The following PIK3C2A variants were observed in gnomAD, a reference collection of about 807,000 sequenced individuals.
PIK3C2A encodes the protein phosphatidylinositol-4-phosphate 3-kinase catalytic subunit type 2 alpha.
Under a neutral mutation model 204.5 loss-of-function variants are expected in PIK3C2A, and 97 were observed. The ratio of observed to expected loss-of-function variants is 0.47; its 90% CI spans 0.40 to 0.56. The LOEUF is 0.56. Among genes scored for constraint, PIK3C2A ranks in the 20% least tolerant of loss-of-function variants. The pLI is 0.00. For missense variants in PIK3C2A, 1,735 were observed against 1,969.2 expected (o/e 0.88, Z 2.25); for synonymous variants, 653 against 664.4 (o/e 0.98, Z 0.26).
Position 17,101,850 on chromosome 11 carries a change from G to A in PIK3C2A, c.3852-416C>T, listed in dbSNP as rs545307052. On this transcript the variant is annotated intron_variant, in intron 24 of 32. Coordinates refer to ENST00000691414, the MANE Select transcript of PIK3C2A (RefSeq NM_002645.4). Reference sequence around the variant, plus strand: ...GATCTCCTGACCTTGTGATCCGCCCGCCTTGGCCTCCCAAAGTGCTGGGAT... The same window carrying A: ...GATCTCCTGACCTTGTGATCCGCCCACCTTGGCCTCCCAAAGTGCTGGGAT... 4.6e-3 allele frequency among the ~76,000 whole-genome samples: 700 copies of A among 151,810 alleles called. 4 individuals carry two copies. The highest frequency in any genetic ancestry group is 0.015 in the African/African-American group (606 of 41,480).
chr11:17,091,689 T>A (rs1021942296), intron 30 of PIK3C2A, 33 bp from the exon 31 acceptor site: 2 of 1,320,352 alleles, frequency 1.5e-6, no homozygotes, highest in African/African-American at 2.9e-5. Flanking sequence ...CTTTATTTAC[T>A]GGTTGTAGTG....
Position 17,160,514 on chromosome 11 carries a change from G to C in PIK3C2A, c.1066-4885C>G, listed in dbSNP as rs368299877. Among the ~76,000 whole-genome samples, 50 of 152,296 alleles carry C rather than the reference G, an allele frequency of 3.3e-4. 1 individual carries two copies. In the South Asian group the frequency reaches 0.01, roughly 31 times the overall value. On this transcript the variant is annotated intron_variant, in intron 2 of 32. Coordinates refer to ENST00000691414, the MANE Select transcript of PIK3C2A (RefSeq NM_002645.4). ...GAGCAAGAGACTGGAAAGGCAGTGAGTACAAATTCCTTTTTAAAGAGTAAT... is the reference window on the plus strand; with the variant it reads ...GAGCAAGAGACTGGAAAGGCAGTGACTACAAATTCCTTTTTAAAGAGTAAT...
chr11:17,104,830 A>G (rs1379250947), intron 23 of PIK3C2A, among the ~76,000 whole-genome samples: 1 of 151,920 alleles, frequency 6.6e-6, no homozygotes, highest in African/African-American at 2.4e-5. Context: ...TTATGTTCTT[A>G]ACTACCACAT....
At chr11:17,154,559 T>C (rs544123731) in intron 3 of PIK3C2A, among the ~76,000 whole-genome samples, 1 of 152,302 alleles carries the variant, frequency 6.6e-6, no homozygotes, top group South Asian at 2.1e-4. Flanking sequence ...CTACTTCCCT[T>C]TTTTAGATAA....
chr11:17,133,146 G>A lies in PIK3C2A; in HGVS notation c.2109-1108C>T, dbSNP rs192058632. 1.6e-3 allele frequency among the ~76,000 whole-genome samples: 238 copies of A among 152,044 alleles called. 1 individual carries two copies. The highest frequency in any genetic ancestry group is 2.4e-3 in the Non-Finnish European group (164 of 67,984). Reference sequence around the variant, plus strand: ...CTTTATTCCATTTACTCCTATTTATGTCAGCATTTTATTCACTTACTTTCT... The same window carrying A: ...CTTTATTCCATTTACTCCTATTTATATCAGCATTTTATTCACTTACTTTCT... On this transcript the variant is annotated intron_variant, in intron 11 of 32. Coordinates refer to ENST00000691414, the MANE Select transcript of PIK3C2A (RefSeq NM_002645.4).
At chr11:17,112,827 C>T (rs1175019187) in intron 20 of PIK3C2A, among the ~76,000 whole-genome samples, 161 bp from the exon 21 acceptor site, 1 of 150,530 alleles carries the variant, frequency 6.6e-6, no homozygotes, top group Non-Finnish European at 1.5e-5. Flanking sequence ...GCTTTGTTAC[C>T]CAGGCTGGAA....
chr11:17,136,074 C>T (rs1048921992), intron 9 of PIK3C2A, among the ~76,000 whole-genome samples: 5 of 152,170 alleles, frequency 3.3e-5, no homozygotes, highest in African/African-American at 4.8e-5. Flanking sequence ...GTCTTTTCTA[C>T]AGGAAGTATT....
At position 17,207,928 on chromosome 11, in the gene PIK3C2A, T is replaced by G. The variant is rs573638726; in HGVS notation, c.-146A>C. On this transcript the variant is annotated 5_prime_UTR_variant, in exon 1 of 33. Transcript: ENST00000691414. Reference sequence around the variant, plus strand: ...AGTCCGAGCCATTTTTCCCCTCAGCTGGCTCAGCCGCCGCCGAAAGCTTCG... The same window carrying G: ...AGTCCGAGCCATTTTTCCCCTCAGCGGGCTCAGCCGCCGCCGAAAGCTTCG... 2 of 152,560 alleles carry G rather than the reference T, an allele frequency of 1.3e-5. No individual in the cohort carries two copies. Among genetic ancestry groups the G allele is most frequent in the African/African-American group, 4.8e-5 (2 of 41,592 alleles). The allele number at this position is 152,560 out of a possible 1,614,324, so 9.5% of individuals were successfully genotyped here.
At chr11:17,160,870 T>C (rs1239388156) in intron 2 of PIK3C2A, among the ~76,000 whole-genome samples, 3 of 151,926 alleles carry the variant, frequency 2.0e-5, no homozygotes, top group Non-Finnish European at 4.4e-5. Context: ...AGTAATAACT[T>C]TGGGGAAGAC....
chr11:17,137,656 G>A lies in PIK3C2A; in HGVS notation c.1705-1031C>T, dbSNP rs575352372. Among the ~76,000 whole-genome samples, 12 of 152,094 alleles carry A rather than the reference G, an allele frequency of 7.9e-5. No individual in the cohort carries two copies. The South Asian group carries it at 2.3e-3, about 29-fold the overall frequency. ...ACTCCTGACCTCAGATGATCCGCCC[G>A]CCTCAGCCTCCCAAAGTGCTGGGAT... On this transcript the variant is annotated intron_variant, in intron 8 of 32. Coordinates refer to ENST00000691414, the MANE Select transcript of PIK3C2A (RefSeq NM_002645.4).
Position 17,132,011 on chromosome 11 carries a change from T to C in PIK3C2A, c.2136A>G (p.Ser712=), listed in dbSNP as rs778690539. 6.5e-7 allele frequency: 1 copy of C among 1,547,674 alleles called. No individual in the cohort carries two copies. Among genetic ancestry groups the C allele is most frequent in the Non-Finnish European group, 8.8e-7 (1 of 1,130,058 alleles). The change falls in exon 12 of 33, where the codon TCA becomes TCG. Residue 712 remains serine, a synonymous_variant. Coordinates refer to ENST00000691414, the MANE Select transcript of PIK3C2A (RefSeq NM_002645.4). ...AAAGATCCTTTCCATTGTGAGACAG[T>C]GAACATATCAAGTAGTATTTTTCAT... The part of the protein sequence containing the change: ...SNYEKYYLIC[S]LSHNGKDLFK...
In PIK3C2A at chr11:17,122,262, T is replaced by C. The variant is rs370431008; in HGVS notation, c.2583A>G (p.Gln861=). ...CATTCTCTAGTGTTTCTAAGTTATG[T>C]TGCTGTATAATGCTTCTGTCAACTT... ...TPQVDRSIIQ[Q]HNLETLENDI... The change falls in exon 15 of 33, where the codon CAA becomes CAG. Residue 861 remains glutamine (Q), a synonymous_variant. Transcript: ENST00000691414. 2.1e-5 allele frequency: 32 copies of C among 1,527,170 alleles called. No homozygotes were observed. The highest frequency in any genetic ancestry group is 2.6e-5 in the Non-Finnish European group (29 of 1,103,012). 94.6% of individuals were successfully genotyped at this position (1,527,170 alleles called of 1,614,324 possible).
chr11:17,123,301 G>A (rs1849421599), intron 13 of PIK3C2A, among the ~76,000 whole-genome samples: 1 of 152,080 alleles, frequency 6.6e-6, no homozygotes, highest in Non-Finnish European at 1.5e-5. Flanking sequence ...AGACTGGAGT[G>A]TAGTAGCACA....
rs71047530 is a variant in PIK3C2A at position 17,106,108 on chromosome 11, CA to C, written c.3545-804del. 6.4e-4 allele frequency among the ~76,000 whole-genome samples: 89 copies of C among 138,436 alleles called. 1 individual carries two copies. Among genetic ancestry groups the C allele is most frequent in the Middle Eastern group, 7.8e-3 (2 of 256 alleles). The allele number at this position is 138,436 out of a possible 152,430, so 90.8% of individuals were successfully genotyped here. ...TGGGCAACAGAGCCAGACTCTATCT[CA>C]AAAAAAAAAAAATCAAGTCTGGCCA... On this transcript the variant is annotated intron_variant, in intron 22 of 32. Transcript: ENST00000691414.
intron 1 of PIK3C2A, among the ~76,000 whole-genome samples, chr11:17,192,957 T>C (rs760037391): frequency 6.6e-6 from 1 of 152,258 alleles, no homozygotes; most frequent in African/African-American, 2.4e-5. Context: ...CAGGAGGGCA[T>C]AGTCCTCATG....
chr11:17,138,146 A>C, intron 8 of PIK3C2A: 2 of 786,144 alleles, frequency 2.5e-6, no homozygotes, highest in Non-Finnish European at 4.4e-6. Context: ...TAAGGGCTTT[A>C]GGTCTCACAG....
chr11:17,097,022 G>T, intron 27 of PIK3C2A, 35 bp downstream of exon 27: 1 of 1,209,116 alleles, frequency 8.3e-7, no homozygotes. Context: ...AATAATACAT[G>T]CATGATTGTT....
chr11:17,171,084 C>A (rs758775902), intron 1 of PIK3C2A, among the ~76,000 whole-genome samples: 1 of 152,056 alleles, frequency 6.6e-6, no homozygotes, highest in Non-Finnish European at 1.5e-5. Flanking sequence ...GCCTGGGCGA[C>A]AGAGAGAGAC....
At chr11:17,155,136 A>G (rs1404816740) in intron 3 of PIK3C2A, among the ~76,000 whole-genome samples, 3 of 152,196 alleles carry the variant, frequency 2.0e-5, no homozygotes, top group Non-Finnish European at 2.9e-5. Context: ...TGCTCTTCTA[A>G]ACTTGCCTAT....
Sources: gnomAD v4.1 joint callset for allele counts (sites outside exome capture counted in the v4.1 genomes callset) on GRCh38, gnomAD v4.1.1 for gene constraint, MANE v1.5 for transcripts, NCBI Gene and HGNC (gene_info 2026-07-23, HGNC 2026-07-21) for gene names.